The following SLC16A12 variants were observed in gnomAD, a reference collection of about 807,000 sequenced individuals.
The protein encoded by SLC16A12 is monocarboxylate transporter 12.
A neutral mutation model predicts 42.4 loss-of-function variants in SLC16A12; 17 were observed. The ratio of observed to expected loss-of-function variants is 0.40; its 90% confidence interval spans 0.27 to 0.60. The LOEUF is 0.60. SLC16A12 is among the 20% of genes least tolerant of loss of function. The pLI is 0.42. For synonymous variants in SLC16A12, 224 were observed against 229.4 expected (o/e 0.98, Z 0.21); for missense variants, 544 against 623.0 (o/e 0.87, Z 1.35).
intron 2 of SLC16A12, among the ~76,000 whole-genome samples, chr10:89,501,109 A>G (rs1350131927): frequency 1.3e-5 from 2 of 152,200 alleles, no homozygotes; most frequent in African/African-American, 4.8e-5. Flanking sequence ...GAGGTGAAAG[A>G]CCACTACAAG....
intron 2 of SLC16A12, among the ~76,000 whole-genome samples, chr10:89,509,930 A>C (rs1843136934): frequency 6.6e-6 from 1 of 152,210 alleles, no homozygotes; most frequent in Admixed American, 6.5e-5. Context: ...AATCACAAGC[A>C]TTCCTATACA....
chr10:89,436,124 T>G lies in SLC16A12; in HGVS notation c.1224A>C (p.Ser408=). ...GGAAGTATACCACACCAAGCGCTGA[T>G]GACAAAGAGGTGGTCCCCACTATCT... ...TTEIVGTTSL[S]SALGVVYFLH... Residue 408 remains serine, a synonymous_variant, in exon 7 of 8, where the codon TCA becomes TCC. Transcript: ENST00000371790. The G allele has an allele frequency of 6.2e-7, 1 of 1,613,940 alleles. No homozygotes were observed. Among genetic ancestry groups the G allele is most frequent in the African/African-American group, 1.3e-5 (1 of 75,006 alleles).
At chr10:89,542,460 G>T (rs1351278576) in intron 2 of SLC16A12, among the ~76,000 whole-genome samples, 1 of 151,850 alleles carries the variant, frequency 6.6e-6, no homozygotes, top group South Asian at 2.1e-4. Flanking sequence ...GCACCACCAC[G>T]TCTGGGTAAT....
In SLC16A12 at chr10:89,430,542, C is replaced by T; in HGVS notation, c.*2522G>A. 4.7e-6 allele frequency: 2 copies of T among 422,128 alleles called. No individual in the cohort carries two copies. Among genetic ancestry groups the T allele is most frequent in the East Asian group, 7.9e-5 (1 of 12,706 alleles). The allele number at this position is 422,128 out of a possible 1,614,324, so 26.1% of individuals were successfully genotyped here. A position where few individuals can be genotyped will look rare whatever the true frequency, so the allele number is the denominator to read the frequency against. On this transcript the variant is annotated 3_prime_UTR_variant, in exon 8 of 8. Transcript: ENST00000371790. The stretch of plus-strand genomic sequence containing the variant: ...ATTTTGTTCTTGATTCCACAAAATA[C>T]ATCATTCCCATGAATTTCTCAGTTT...
At chr10:89,435,258 T>C (rs1167941063) in intron 7 of SLC16A12, among the ~76,000 whole-genome samples, 2 of 152,252 alleles carry the variant, frequency 1.3e-5, no homozygotes, top group East Asian at 3.8e-4. Flanking sequence ...TCAACATATC[T>C]AAAAACCATA....
At chr10:89,503,733 G>A (rs139320686) in intron 2 of SLC16A12, among the ~76,000 whole-genome samples, 1 of 152,310 alleles carries the variant, frequency 6.6e-6, no homozygotes, top group Non-Finnish European at 1.5e-5. Flanking sequence ...TGGAAAGAAA[G>A]ATGCTTGTGG....
In SLC16A12 at chr10:89,436,090, C is replaced by T. The variant is rs753862482; in HGVS notation, c.1258G>A (p.Val420Met). 2 of 1,613,910 alleles carry T rather than the reference C, an allele frequency of 1.2e-6. No homozygotes were observed. Among genetic ancestry groups the T allele is most frequent in the African/African-American group, 1.3e-5 (1 of 75,012 alleles). Residue 420 changes from valine to methionine, a missense_variant, in exon 7 of 8, where the codon GTG becomes ATG. Val to Met is a conservative substitution (Grantham distance 21). Transcript: ENST00000371790. ...ATGGGTGGGCTCACCAAGTATGGCACTGCGTGAAGGAAGTATACCACACCA... is the reference window on the plus strand; with the variant it reads ...ATGGGTGGGCTCACCAAGTATGGCATTGCGTGAAGGAAGTATACCACACCA... Reference protein sequence around the residue: ...ALGVVYFLHAVPYLVSPPIAG... With the variant: ...ALGVVYFLHAMPYLVSPPIAG...
intron 6 of SLC16A12, 134 bp from the exon 7 acceptor site, chr10:89,436,453 G>T: frequency 2.8e-6 from 3 of 1,058,710 alleles, no homozygotes; most frequent in Non-Finnish European, 4.3e-6. Flanking sequence ...TATGTATGCT[G>T]TCTTCCTATC....
intron 2 of SLC16A12, among the ~76,000 whole-genome samples, chr10:89,487,964 G>GTATATATATATATATATA (rs147234370): frequency 7.9e-6 from 1 of 126,716 alleles, no homozygotes; most frequent in African/African-American, 2.9e-5. Context: ...TGGTGTGTGT[G>GTATATATATATATATATA]TATATATATA....
At chr10:89,465,485 A>C (rs1842378720) in intron 2 of SLC16A12, among the ~76,000 whole-genome samples, 1 of 152,210 alleles carries the variant, frequency 6.6e-6, no homozygotes, top group African/African-American at 2.4e-5. Flanking sequence ...GAGCAAAACT[A>C]ACCCTCTAAA....
At chr10:89,503,412 C>G (rs1843015860) in intron 2 of SLC16A12, among the ~76,000 whole-genome samples, 2 of 152,146 alleles carry the variant, frequency 1.3e-5, no homozygotes, top group South Asian at 4.1e-4. Context: ...TAAAAGGTCC[C>G]CATAAAATCC....
intron 2 of SLC16A12, among the ~76,000 whole-genome samples, chr10:89,498,331 A>G (rs143206826): frequency 3.9e-5 from 6 of 152,144 alleles, no homozygotes; most frequent in African/African-American, 9.7e-5. Flanking sequence ...GACTGTGTTG[A>G]AAGAGAAGAG....
At chr10:89,500,190 C>G (rs1842974072) in intron 2 of SLC16A12, among the ~76,000 whole-genome samples, 1 of 152,122 alleles carries the variant, frequency 6.6e-6, no homozygotes, top group African/African-American at 2.4e-5. Context: ...GAGGGATTCA[C>G]AGCAGGATTC....
At chr10:89,462,752 C>A (rs1564577296) in intron 2 of SLC16A12, 128 bp from the exon 3 acceptor site, 1 of 1,006,640 alleles carries the variant, frequency 9.9e-7, no homozygotes, top group African/African-American at 1.6e-5. Flanking sequence ...GAATACTAGA[C>A]TGGGGCAGAC....
chr10:89,454,363 TCACACCAG>T (rs1384362420), intron 3 of SLC16A12, among the ~76,000 whole-genome samples: 1 of 152,108 alleles, frequency 6.6e-6, no homozygotes, highest in East Asian at 1.9e-4. Context: ...CATTCATCAT[TCACACCAG>T]CACCTTTCTC....
At chr10:89,527,482 C>CAA (rs200275580) in intron 2 of SLC16A12, among the ~76,000 whole-genome samples, 18 of 142,542 alleles carry the variant, frequency 1.3e-4, no homozygotes, top group South Asian at 1.1e-3. Flanking sequence ...GACTCCACCT[C>CAA]AAAAAAAAAA....
chr10:89,512,390 T>C (rs560912161), intron 2 of SLC16A12, among the ~76,000 whole-genome samples: 3 of 152,286 alleles, frequency 2.0e-5, no homozygotes, highest in African/African-American at 7.2e-5. Context: ...GTCTGCAGGC[T>C]CCTGGGCAGC....
chr10:89,514,877 G>A (rs1302206023), intron 2 of SLC16A12, among the ~76,000 whole-genome samples: 1 of 152,176 alleles, frequency 6.6e-6, no homozygotes, highest in African/African-American at 2.4e-5. Flanking sequence ...GATCACCTGA[G>A]GTCAGGAGTT....
chr10:89,502,991 C>T (rs1843009999), intron 2 of SLC16A12, among the ~76,000 whole-genome samples: 1 of 152,196 alleles, frequency 6.6e-6, no homozygotes, highest in African/African-American at 2.4e-5. Flanking sequence ...TCAGGATCAG[C>T]GGGTTCCTAT....
Sources: allele counts gnomAD v4.1 joint callset (sites outside exome capture counted in the v4.1 genomes callset), GRCh38; gene constraint gnomAD v4.1.1; transcripts MANE v1.5; gene names NCBI Gene and HGNC (gene_info 2026-07-23, HGNC 2026-07-21).